The following TM9SF3 variants were observed in gnomAD, a reference collection of about 807,000 sequenced individuals.
TM9SF3 encodes transmembrane 9 superfamily member 3.
Under a neutral mutation model 78.6 loss-of-function variants are expected in TM9SF3, and 14 were observed. The observed-to-expected ratio is 0.18, with a 90% confidence interval of 0.12 to 0.28. TM9SF3 has a LOEUF of 0.28. TM9SF3 is among the 10% of genes least tolerant of loss of function. The probability of loss-of-function intolerance (pLI) is 1.00; values close to 1 mark genes in which losing one functional copy is unlikely to be tolerated. For missense variants in TM9SF3, 496 were observed against 721.9 expected (o/e 0.69, Z 3.59); for synonymous variants, 231 against 241.7 (o/e 0.96, Z 0.41).
intron 10 of TM9SF3, among the ~76,000 whole-genome samples, chr10:96,531,467 C>T (rs1847893085): frequency 6.6e-6 from 1 of 152,006 alleles, no homozygotes; most frequent in East Asian, 1.9e-4. Flanking sequence ...GTGCCTAGCA[C>T]AATACCTGGC....
At chr10:96,575,698 G>A (rs1256582593) in intron 2 of TM9SF3, among the ~76,000 whole-genome samples, 2 of 149,172 alleles carry the variant, frequency 1.3e-5, no homozygotes, top group Non-Finnish European at 3.0e-5. Context: ...CAAAACTGCA[G>A]TAAACAATTT....
At chr10:96,527,118 C>CTT (rs1847847121) in intron 14 of TM9SF3, 95 bp downstream of exon 14, 1 of 1,071,524 alleles carries the variant, frequency 9.3e-7, no homozygotes, top group African/African-American at 1.6e-5. Context: ...TCTGATCAAA[C>CTT]AACAGATAAA....
chr10:96,576,479 G>A, intron 2 of TM9SF3, 155 bp downstream of exon 2: 2 of 592,242 alleles, frequency 3.4e-6, no homozygotes, highest in Non-Finnish European at 5.1e-6. Context: ...TGGCATCTGG[G>A]GGGTACAGGC....
intron 3 of TM9SF3, among the ~76,000 whole-genome samples, chr10:96,564,918 C>T (rs1447639098): frequency 1.3e-5 from 2 of 151,888 alleles, no homozygotes; most frequent in African/African-American, 4.8e-5. Flanking sequence ...ACCATACTAC[C>T]ACAGTACCAA....
At chr10:96,560,697 G>A (rs1274342955) in intron 4 of TM9SF3, 3 of 585,888 alleles carry the variant, frequency 5.1e-6, no homozygotes, top group African/African-American at 3.7e-5. Flanking sequence ...CGATTTTGAT[G>A]AGGAAACTAA....
At chr10:96,557,226 T>C (rs542516787) in intron 5 of TM9SF3, among the ~76,000 whole-genome samples, 1 of 152,110 alleles carries the variant, frequency 6.6e-6, no homozygotes. Flanking sequence ...CCGGTCAATA[T>C]CTCCATTTGG....
chr10:96,582,686 T>C (rs995627369), intron 1 of TM9SF3, among the ~76,000 whole-genome samples: 1 of 152,212 alleles, frequency 6.6e-6, no homozygotes, highest in Non-Finnish European at 1.5e-5. Flanking sequence ...TTTTTACATA[T>C]TCTAGATATG....
rs541697740 is a variant in TM9SF3, at chr10:96,559,521, C to A, written c.660+138G>T. The A allele has an allele frequency of 3.6e-5, 19 of 533,858 alleles. 1 individual carries two copies. The highest frequency in any genetic ancestry group is 5.7e-5 in the Non-Finnish European group (19 of 333,276). 33.1% of individuals were successfully genotyped at this position (533,858 alleles called of 1,614,324 possible). A position where few individuals can be genotyped will look rare whatever the true frequency, so the allele number is the denominator to read the frequency against. On this transcript the variant is annotated intron_variant, in intron 5 of 14. Coordinates refer to ENST00000371142, the MANE Select transcript of TM9SF3 (RefSeq NM_020123.4). ...TCCCCATCACCCTTATGATTTCAAG[C>A]TCATACTTTAAATCACCATTAGCTA...
At chr10:96,558,810 G>C (rs1302973141) in intron 5 of TM9SF3, among the ~76,000 whole-genome samples, 1 of 152,062 alleles carries the variant, frequency 6.6e-6, no homozygotes, top group Non-Finnish European at 1.5e-5. Flanking sequence ...CTCAAAAATA[G>C]GTGATTAATA....
chr10:96,540,851 C>A (rs996360256), intron 9 of TM9SF3, among the ~76,000 whole-genome samples: 47 of 133,446 alleles, frequency 3.5e-4, no homozygotes, highest in Non-Finnish European at 6.6e-4. Flanking sequence ...GATCTCAGCT[C>A]ACTGCAACCT....
chr10:96,557,906 T>C (rs1848254813), intron 5 of TM9SF3, among the ~76,000 whole-genome samples: 1 of 152,260 alleles, frequency 6.6e-6, no homozygotes, highest in Non-Finnish European at 1.5e-5. Flanking sequence ...AAGTGTGTTT[T>C]ACTTATTGTG....
At position 96,576,750 on chromosome 10, in the gene TM9SF3, A is replaced by C. The variant is rs771929821; in HGVS notation, c.182T>G (p.Phe61Cys). Residue 61 changes from phenylalanine (F) to cysteine (C), a missense_variant, in exon 2 of 15, where the codon TTT becomes TGT. By Grantham distance (205) the Phe-to-Cys change is radical. This residue lies in a region of TM9SF3 where 155 missense variants were observed against 241.6 expected (regional missense o/e 0.64). Coordinates refer to ENST00000371142, the MANE Select transcript of TM9SF3 (RefSeq NM_020123.4). ...YHNRQETYKY[F>C]SLPFCVGSKK... is the part of the protein sequence containing the mutation. The stretch of plus-strand genomic sequence containing the variant: ...TGACCCCACACAGAATGGAAGTGAA[A>C]AGTACTTATATGTTTCTTGACGATT... The C allele has an allele frequency of 3.1e-6, 5 of 1,610,308 alleles. No individual in the cohort carries two copies. The highest frequency in any genetic ancestry group is 4.2e-6 in the Non-Finnish European group (5 of 1,178,566).
At chr10:96,541,737 C>T (rs946912044) in intron 9 of TM9SF3, among the ~76,000 whole-genome samples, 19 of 152,130 alleles carry the variant, frequency 1.2e-4, no homozygotes, top group Non-Finnish European at 2.6e-4. Context: ...CAGAAAAAGG[C>T]CTCAATAGCC....
chr10:96,577,046 A>G (rs1848504973), intron 1 of TM9SF3, among the ~76,000 whole-genome samples: 1 of 152,184 alleles, frequency 6.6e-6, no homozygotes, highest in Admixed American at 6.5e-5. Context: ...TCTCAGGCAG[A>G]TACACCTTTT....
intron 14 of TM9SF3, among the ~76,000 whole-genome samples, chr10:96,524,417 A>G (rs1232890874): frequency 1.3e-5 from 2 of 151,946 alleles, no homozygotes; most frequent in Non-Finnish European, 2.9e-5. Flanking sequence ...ATTAGCATCA[A>G]AAATTTTAAT....
Position 96,552,979 on chromosome 10 carries a change from T to C in TM9SF3, c.741A>G (p.Thr247=), listed in dbSNP as rs371439139. The change falls in exon 6 of 15, where the codon ACA becomes ACG. Residue 247 remains threonine, a synonymous_variant. Transcript: ENST00000371142. ...TGTACCGAGCATAATCTTTTCTTAA[T>C]GTTCTCATTAAAATCATTGAAACTA... ...VGLVSMILMR[T]LRKDYARYSK... is the part of the protein sequence containing the mutation. The C allele has an allele frequency of 6.4e-5, 103 of 1,607,080 alleles. No individual in the cohort carries two copies. The highest frequency in any genetic ancestry group is 8.3e-5 in the Non-Finnish European group (98 of 1,178,048).
At chr10:96,574,906 C>T (rs1332184807) in intron 2 of TM9SF3, among the ~76,000 whole-genome samples, 1 of 152,104 alleles carries the variant, frequency 6.6e-6, no homozygotes, top group Non-Finnish European at 1.5e-5. Flanking sequence ...GGGAACATCA[C>T]ACACCCGGCC....
intron 5 of TM9SF3, among the ~76,000 whole-genome samples, chr10:96,553,885 T>C (rs1299573637): frequency 6.6e-6 from 1 of 152,214 alleles, no homozygotes; most frequent in African/African-American, 2.4e-5. Flanking sequence ...CAGTTATTTC[T>C]TTATTTACAT....
chr10:96,578,236 A>C (rs1325277216), intron 1 of TM9SF3, among the ~76,000 whole-genome samples: 3 of 152,240 alleles, frequency 2.0e-5, no homozygotes, highest in Admixed American at 6.5e-5. Flanking sequence ...ATAACAAATG[A>C]TCTCACCTTT....
Sources: allele counts gnomAD v4.1 joint callset (sites outside exome capture counted in the v4.1 genomes callset), GRCh38; gene constraint gnomAD v4.1.1; regional missense constraint gnomAD v4.1.1; transcripts MANE v1.5; gene names NCBI Gene and HGNC (gene_info 2026-07-23, HGNC 2026-07-21).